TBC1D5: variants seen among roughly 807,000 people sequenced by gnomAD.
TBC1D5 encodes the protein TBC1 domain family member 5.
Under a neutral mutation model 100.3 loss-of-function variants are expected in TBC1D5, and 75 were observed. That is an observed-to-expected ratio of 0.75 (90% CI 0.62 to 0.91). TBC1D5 has a LOEUF of 0.91. TBC1D5 is among the 40% of genes least tolerant of loss of function. The pLI is 0.00. For missense variants in TBC1D5, 910 were observed against 942.4 expected, an observed-to-expected ratio of 0.97 and a Z score of 0.45; for synonymous variants, 323 against 325.6, an observed-to-expected ratio of 0.99 and a Z score of 0.09.
intron 1 of TBC1D5, among the ~76,000 whole-genome samples, chr3:17,639,393 G>A (rs1372531089): frequency 1.3e-5 from 2 of 151,478 alleles, no homozygotes; most frequent in Non-Finnish European, 2.9e-5. Flanking sequence ...AGGAGTTAAT[G>A]TACATAAGAA....
intron 17 of TBC1D5, among the ~76,000 whole-genome samples, chr3:17,223,952 C>A (rs2148714080): frequency 6.6e-6 from 1 of 151,996 alleles, no homozygotes; most frequent in East Asian, 1.9e-4. Context: ...GAAAAAAAGA[C>A]TATGCCAATA....
intron 2 of TBC1D5, among the ~76,000 whole-genome samples, chr3:17,589,629 T>C (rs1303755515): frequency 1.3e-5 from 2 of 152,232 alleles, no homozygotes; most frequent in African/African-American, 4.8e-5. Context: ...ATCTCGCTTT[T>C]TGTAAATCGT....
intron 13 of TBC1D5, among the ~76,000 whole-genome samples, chr3:17,345,083 C>A (rs966835517): frequency 1.3e-5 from 2 of 152,106 alleles, no homozygotes; most frequent in African/African-American, 4.8e-5. Flanking sequence ...TCTATTTAAA[C>A]TAAAGAGCTT....
intron 13 of TBC1D5, among the ~76,000 whole-genome samples, chr3:17,319,910 T>C (rs185045877): frequency 8.7e-4 from 132 of 152,162 alleles, no homozygotes; most frequent in African/African-American, 3.1e-3. Context: ...GGAGCACATA[T>C]TTTTAAATTT....
At chr3:17,618,967 C>T (rs1307144284) in intron 2 of TBC1D5, among the ~76,000 whole-genome samples, 1 of 152,236 alleles carries the variant, frequency 6.6e-6, no homozygotes, top group African/African-American at 2.4e-5. Flanking sequence ...ATGCAGATAT[C>T]ACCCGTCTTC....
chr3:17,710,810 G>A (rs1174171987), intron 1 of TBC1D5, among the ~76,000 whole-genome samples: 1 of 151,922 alleles, frequency 6.6e-6, no homozygotes, highest in African/African-American at 2.4e-5. Context: ...CAATTCTCCT[G>A]CCTCGGCCTC....
exon 11 of TBC1D5, chr3:17,374,670 C>T: frequency 6.2e-7 from 1 of 1,610,362 alleles, no homozygotes; most frequent in Non-Finnish European, 8.5e-7. Flanking sequence ...AGACAGTTTT[C>T]ATTTCCTCAC....
chr3:17,717,038 T>G (rs939935581), intron 1 of TBC1D5, among the ~76,000 whole-genome samples: 5 of 152,158 alleles, frequency 3.3e-5, no homozygotes, highest in Non-Finnish European at 5.9e-5. Flanking sequence ...CACTTCATTT[T>G]ATGTAAAACT....
intron 1 of TBC1D5, among the ~76,000 whole-genome samples, chr3:17,701,499 G>C (rs774179096): frequency 6.6e-6 from 1 of 152,064 alleles, no homozygotes; most frequent in African/African-American, 2.4e-5. Flanking sequence ...AGTCTCCTGG[G>C]TGGCGCACAA....
intron 2 of TBC1D5, among the ~76,000 whole-genome samples, chr3:17,537,652 T>TCA (rs1560111719): frequency 3.3e-5 from 5 of 152,246 alleles, no homozygotes; most frequent in Admixed American, 6.5e-5. Context: ...ATAAGTGGAA[T>TCA]AATATAGAAT....
At chr3:17,436,425 T>C (rs941218168) in intron 3 of TBC1D5, among the ~76,000 whole-genome samples, 1 of 152,098 alleles carries the variant, frequency 6.6e-6, no homozygotes, top group Non-Finnish European at 1.5e-5. Context: ...AGTAAAAGGC[T>C]ACTAGTTCTA....
At chr3:17,428,989 G>C (rs949536767) in intron 3 of TBC1D5, among the ~76,000 whole-genome samples, 4 of 151,978 alleles carry the variant, frequency 2.6e-5, no homozygotes, top group Non-Finnish European at 4.4e-5. Context: ...AAGCCAACTT[G>C]AGAGGTAGTG....
At chr3:17,635,036 ATAAAC>A (rs1242217225) in intron 1 of TBC1D5, among the ~76,000 whole-genome samples, 2 of 152,228 alleles carry the variant, frequency 1.3e-5, no homozygotes, top group African/African-American at 2.4e-5. Flanking sequence ...GTTCAATACT[ATAAAC>A]TAAATCTACA....
intron 17 of TBC1D5, among the ~76,000 whole-genome samples, chr3:17,234,078 T>G (rs1021450723): frequency 6.6e-6 from 1 of 152,064 alleles, no homozygotes; most frequent in Admixed American, 6.6e-5. Flanking sequence ...TATTTTCCCT[T>G]TCATCCAAAA....
chr3:17,536,892 T>C (rs752180984), intron 2 of TBC1D5, among the ~76,000 whole-genome samples: 4 of 152,124 alleles, frequency 2.6e-5, no homozygotes, highest in Non-Finnish European at 4.4e-5. Context: ...TAAGGCAGAT[T>C]ATGGCCAAAG....
At chr3:17,274,589 G>T (rs1332698412) in intron 15 of TBC1D5, among the ~76,000 whole-genome samples, 2 of 152,086 alleles carry the variant, frequency 1.3e-5, no homozygotes, top group Non-Finnish European at 2.9e-5. Flanking sequence ...TCTTTCTTGG[G>T]TTTACGAAAA....
intron 15 of TBC1D5, among the ~76,000 whole-genome samples, chr3:17,271,192 T>C (rs2079387358): frequency 6.6e-6 from 1 of 152,192 alleles, no homozygotes; most frequent in Non-Finnish European, 1.5e-5. Context: ...TTTGAATCTG[T>C]AGATTGCTTT....
At chr3:17,239,721 T>C (rs1461112749) in intron 16 of TBC1D5, among the ~76,000 whole-genome samples, 3 of 152,050 alleles carry the variant, frequency 2.0e-5, no homozygotes, top group Non-Finnish European at 2.9e-5. Flanking sequence ...ACCTGTATTA[T>C]AACTGTGCCT....
At chr3:17,607,392 C>A (rs745321894) in intron 2 of TBC1D5, among the ~76,000 whole-genome samples, 2 of 152,136 alleles carry the variant, frequency 1.3e-5, no homozygotes, top group Non-Finnish European at 2.9e-5. Context: ...TTACTTCCAA[C>A]TCAACATAAA....
Sources: allele counts gnomAD v4.1 joint callset (sites outside exome capture counted in the v4.1 genomes callset), GRCh38; gene constraint gnomAD v4.1.1; transcripts MANE v1.5; gene names NCBI Gene and HGNC (gene_info 2026-07-23, HGNC 2026-07-21).